The following LMNB2 variants were observed in gnomAD, a reference collection of about 807,000 sequenced individuals.
LMNB2 encodes the protein lamin B2.
Under a neutral mutation model 69.3 loss-of-function variants are expected in LMNB2, and 17 were observed. The observed-to-expected ratio is 0.25, with a 90% CI of 0.17 to 0.37. LMNB2 has a LOEUF of 0.37. LMNB2 is among the 10% of genes least tolerant of loss of function. The pLI is 1.00. For missense variants in LMNB2, 789 were observed against 883.6 expected, an observed-to-expected ratio of 0.89 and a Z score of 1.36; for synonymous variants, 397 against 389.3, an observed-to-expected ratio of 1.02 and a Z score of -0.23.
chr19:2,453,889 G>A lies in LMNB2; in HGVS notation c.264+2781C>T, dbSNP rs915077862. ...CAAGAAACCAGCTCTAACCCTGCAC[G>A]CCACGGGTCCAGCAGGCGGCCTCTA... On this transcript the variant is annotated intron_variant, in intron 1 of 11. Coordinates refer to ENST00000325327, the MANE Select transcript of LMNB2 (RefSeq NM_032737.4). The surrounding 1 kb of genome is among the most constrained non-coding windows in gnomAD (Gnocchi z 4.4). 7.2e-5 allele frequency among the ~76,000 whole-genome samples: 11 copies of A among 152,194 alleles called. No homozygotes were observed. The highest frequency in any genetic ancestry group is 1.3e-4 in the Non-Finnish European group (9 of 68,042).
chr19:2,456,810 A>T lies in LMNB2; in HGVS notation c.124T>A (p.Ser42Thr). The change falls in exon 1 of 12, where the codon TCG becomes ACG. Residue 42 changes from serine to threonine, a missense_variant. Ser to Thr is a moderately conservative substitution (Grantham distance 58). Around this residue, in one of 3 missense-constraint regions of LMNB2, gnomAD observed 145 missense variants for 228.9 expected, o/e 0.63. Transcript: ENST00000325327. ...PATPLSPTRL[S>T]RLQEKEELRE... ...AGCTCCTCCTTCTCCTGCAGCCGCG[A>T]CAGGCGCGTGGGCGACAGCGGCGTG... The T allele has an allele frequency of 2.0e-6, 3 of 1,486,144 alleles. No individual in the cohort carries two copies. Among genetic ancestry groups the T allele is most frequent in the South Asian group, 2.5e-5 (2 of 78,970 alleles). 92.1% of individuals were successfully genotyped at this position (1,486,144 alleles called of 1,614,324 possible).
Position 2,443,081 on chromosome 19 carries a change from A to C in LMNB2, c.401+1323T>G, listed in dbSNP as rs866398389. On this transcript the variant is annotated intron_variant, in intron 2 of 11. Transcript: ENST00000325327. This position sits in a 1 kb window ranked among gnomAD's most constrained non-coding sequence, Gnocchi z 6.2. ...TAAACACGGTGGGTGCTGGAGGTAGACAGCACAGAGCTGCTGCCTGAGCAG... is the reference window on the plus strand; with the variant it reads ...TAAACACGGTGGGTGCTGGAGGTAGCCAGCACAGAGCTGCTGCCTGAGCAG... Among the ~76,000 whole-genome samples, 1 of 152,150 alleles carries C rather than the reference A, an allele frequency of 6.6e-6. No homozygotes were observed. Among genetic ancestry groups the C allele is most frequent in the Non-Finnish European group, 1.5e-5 (1 of 68,010 alleles).
chr19:2,433,817 T>C lies in LMNB2; in HGVS notation c.1482+9A>G. ...CCCGTTACCCCCATGCCCCGGTCTT[T>C]CCGGTCACCTTGTCCGAGTTGTTCT... On this transcript the variant is annotated intron_variant, in intron 8 of 11. Transcript: ENST00000325327. The C allele has an allele frequency of 6.2e-7, 1 of 1,613,202 alleles. No homozygotes were observed. Among genetic ancestry groups the C allele is most frequent in the Non-Finnish European group, 8.5e-7 (1 of 1,179,862 alleles).
At position 2,435,008 on chromosome 19, in the gene LMNB2, T is replaced by A; in HGVS notation, c.848A>T (p.Gln283Leu). ...CCCGCCTGCCGGCCACACCTTGGCC[T>A]GGTAGGTCTGCTCCAGCTCCAGCTT... is the stretch of plus-strand genomic sequence containing the variant. ...LYKLELEQTY[Q>L]AKLDSAKLSS... is the part of the protein sequence containing the mutation. The change falls in exon 5 of 12, where the codon CAG (glutamine) becomes CTG (leucine). Residue 283 changes from glutamine (Q) to leucine (L), a missense_variant. This residue lies in a region of LMNB2 where 609 missense variants were observed against 630.9 expected (regional missense o/e 0.97). Transcript: ENST00000325327. 1 of 1,521,430 alleles carries A rather than the reference T, an allele frequency of 6.6e-7. No individual in the cohort carries two copies. The highest frequency in any genetic ancestry group is 8.9e-7 in the Non-Finnish European group (1 of 1,123,974). 94.2% of individuals were successfully genotyped at this position (1,521,430 alleles called of 1,614,324 possible).
At chr19:2,441,264 C>T (rs1971897561) in intron 2 of LMNB2, among the ~76,000 whole-genome samples, 1 of 152,266 alleles carries the variant, frequency 6.6e-6, no homozygotes, top group African/African-American at 2.4e-5. Flanking sequence ...GGTTGTGTCC[C>T]GCCAGGGCAG....
intron 4 of LMNB2, among the ~76,000 whole-genome samples, chr19:2,437,762 C>T (rs879477384): frequency 4.3e-5 from 6 of 139,666 alleles, no homozygotes; most frequent in African/African-American, 8.5e-5. Context: ...ATCGTGCCAC[C>T]GCACTCCAGC....
At chr19:2,448,928 C>T (rs1367710023) in intron 1 of LMNB2, among the ~76,000 whole-genome samples, 1 of 152,242 alleles carries the variant, frequency 6.6e-6, no homozygotes, top group African/African-American at 2.4e-5. Context: ...GACAGAGCCA[C>T]ACCCAGCCTG....
intron 1 of LMNB2, among the ~76,000 whole-genome samples, chr19:2,456,279 GC>G (rs927279463): frequency 2.9e-5 from 4 of 138,730 alleles, no homozygotes; most frequent in African/African-American, 1.1e-4. Flanking sequence ...TCACTCAGAA[GC>G]CCCCAAACCT....
intron 1 of LMNB2, among the ~76,000 whole-genome samples, chr19:2,445,219 CCT>C (rs1971942139): frequency 6.6e-6 from 1 of 151,432 alleles, no homozygotes; most frequent in Non-Finnish European, 1.5e-5. Flanking sequence ...CCTCTGGGCC[CCT>C]GAGACTCCCC....
chr19:2,431,274 T>C (rs4807263), intron 11 of LMNB2, among the ~76,000 whole-genome samples: 3 of 151,982 alleles, frequency 2.0e-5, no homozygotes, highest in Non-Finnish European at 2.9e-5. Context: ...CAGAGAGCAT[T>C]TGGGGAGCTG....
At position 2,447,942 on chromosome 19, in the gene LMNB2, C is replaced by T. The variant is rs1971976239; in HGVS notation, c.265-3402G>A. Among the ~76,000 whole-genome samples the T allele has an allele frequency of 6.6e-6, 1 of 152,208 alleles. No homozygotes were observed. Among genetic ancestry groups the T allele is most frequent in the South Asian group, 2.1e-4 (1 of 4,834 alleles). On this transcript the variant is annotated intron_variant, in intron 1 of 11. Transcript: ENST00000325327. The surrounding 1 kb of genome is among the most constrained non-coding windows in gnomAD (Gnocchi z 4.4). ...AGTGGGGCGGGATAAGGGTTCCCAACCTGATTTTATGTATGGGAAAACTGA... is the reference window on the plus strand; with the variant it reads ...AGTGGGGCGGGATAAGGGTTCCCAATCTGATTTTATGTATGGGAAAACTGA...
At chr19:2,454,528 G>A (rs180875844) in intron 1 of LMNB2, among the ~76,000 whole-genome samples, 2 of 152,114 alleles carry the variant, frequency 1.3e-5, no homozygotes, top group South Asian at 2.1e-4. Context: ...CTGAGACCCA[G>A]AGAGGGTAAG....
In LMNB2 at chr19:2,431,540, G is replaced by A. The variant is rs1214596577; in HGVS notation, c.1821+8C>T. The A allele has an allele frequency of 3.7e-6, 6 of 1,613,936 alleles. No individual in the cohort carries two copies. In the South Asian group the frequency reaches 5.5e-5, roughly 15 times the overall value. ...CCCCCCAGCCGCAAGTGGGCACAGG[G>A]GTCCTACCTGTTGGTGGAAAAGATC... On this transcript the variant is annotated splice_region_variant and intron_variant, in intron 11 of 11. Transcript: ENST00000325327.
chr19:2,436,491 T>C (rs1194800084), intron 4 of LMNB2, among the ~76,000 whole-genome samples: 1 of 151,948 alleles, frequency 6.6e-6, no homozygotes, highest in Non-Finnish European at 1.5e-5. Context: ...AGCAGAGCCC[T>C]GCGGGCCGCG....
At chr19:2,432,566 G>A (rs1168637344) in intron 8 of LMNB2, 43 bp from the exon 9 acceptor site, 1 of 1,500,108 alleles carries the variant, frequency 6.7e-7, no homozygotes, top group Non-Finnish European at 9.3e-7. Context: ...CACCAGGACT[G>A]TGACACCGCC....
chr19:2,431,153 AC>A (rs1971734281), intron 11 of LMNB2, among the ~76,000 whole-genome samples: 2 of 152,190 alleles, frequency 1.3e-5, no homozygotes, highest in Admixed American at 6.5e-5. Flanking sequence ...CAAAACAGTC[AC>A]AGGAACTTGC....
At chr19:2,440,817 C>T (rs143892301) in intron 2 of LMNB2, among the ~76,000 whole-genome samples, 29 of 152,216 alleles carry the variant, frequency 1.9e-4, no homozygotes, top group African/African-American at 6.3e-4. Context: ...ATCCATCATC[C>T]GTCCACCCAT....
At chr19:2,451,011 C>G (rs1236257279) in intron 1 of LMNB2, among the ~76,000 whole-genome samples, 1 of 151,964 alleles carries the variant, frequency 6.6e-6, no homozygotes, top group African/African-American at 2.4e-5. Flanking sequence ...GAGGCAGAGG[C>G]TGGCAGATCC....
intron 1 of LMNB2, among the ~76,000 whole-genome samples, chr19:2,446,383 C>T (rs978581417): frequency 1.7e-4 from 26 of 151,950 alleles, no homozygotes; most frequent in Non-Finnish European, 3.4e-4. Flanking sequence ...CCCCCAAACC[C>T]GCCCCTCTCG....
Sources: allele counts gnomAD v4.1 joint callset (sites outside exome capture counted in the v4.1 genomes callset), GRCh38; gene constraint gnomAD v4.1.1; regional missense constraint gnomAD v4.1.1; non-coding constraint Gnocchi (gnomAD v3.1); transcripts MANE v1.5; gene names NCBI Gene and HGNC (gene_info 2026-07-23, HGNC 2026-07-21).